The following KALRN variants were observed in gnomAD, a reference collection of about 807,000 sequenced individuals.
KALRN encodes kalirin RhoGEF kinase.
In KALRN, 70 loss-of-function variants were observed where a neutral mutation model predicts 353.7. The ratio of observed to expected loss-of-function variants is 0.20; its 90% confidence interval spans 0.16 to 0.24. The LOEUF is 0.24. Among genes scored for constraint, KALRN ranks in the 10% least tolerant of loss-of-function variants. The pLI is 1.00. For missense variants in KALRN, 2,791 were observed against 3,756.7 expected (o/e 0.74, Z 6.72); for synonymous variants, 1,391 against 1,434.8 (o/e 0.97, Z 0.69).
At chr3:124,086,352 TG>T (rs2060821983) in intron 1 of KALRN, among the ~76,000 whole-genome samples, 4 of 148,998 alleles carry the variant, frequency 2.7e-5, no homozygotes, top group Non-Finnish European at 6.0e-5. Flanking sequence ...TGTGTGTGTG[TG>T]TTTTTGCTGG....
At chr3:124,490,977 C>T in intron 30 of KALRN, 93 bp downstream of exon 30, 2 of 1,166,460 alleles carry the variant, frequency 1.7e-6, no homozygotes, top group Non-Finnish European at 2.4e-6. Context: ...CATCTCCTCC[C>T]CGGCCTCCAC....
At chr3:124,523,506 G>A (rs571480083) in intron 33 of KALRN, among the ~76,000 whole-genome samples, 1 of 152,300 alleles carries the variant, frequency 6.6e-6, no homozygotes, top group Non-Finnish European at 1.5e-5. Flanking sequence ...CCTGCTGGGG[G>A]AAAACACACA....
intron 51 of KALRN, among the ~76,000 whole-genome samples, chr3:124,693,019 T>C (rs952350518): frequency 2.6e-5 from 4 of 152,216 alleles, no homozygotes; most frequent in African/African-American, 9.6e-5. Context: ...CAGGGTGTCC[T>C]GAGGCAGGCA....
intron 1 of KALRN, among the ~76,000 whole-genome samples, chr3:124,169,879 G>T (rs991569595): frequency 6.6e-5 from 10 of 152,122 alleles, no homozygotes; most frequent in African/African-American, 2.4e-4. Flanking sequence ...GGGTAACAGG[G>T]TATTTTTCCA....
At chr3:124,091,175 A>G (rs905374442) in intron 1 of KALRN, among the ~76,000 whole-genome samples, 4 of 152,222 alleles carry the variant, frequency 2.6e-5, no homozygotes, top group Admixed American at 6.5e-5. Flanking sequence ...GGAGTGTTTG[A>G]TTCATGTTAC....
chr3:124,473,877 C>T (rs958229767), intron 25 of KALRN, among the ~76,000 whole-genome samples: 1 of 152,150 alleles, frequency 6.6e-6, no homozygotes, highest in Non-Finnish European at 1.5e-5. Flanking sequence ...TCCCCAAAGC[C>T]TCATAATCAC....
intron 21 of KALRN, among the ~76,000 whole-genome samples, chr3:124,451,224 A>G (rs905732032): frequency 6.6e-6 from 1 of 152,096 alleles, no homozygotes; most frequent in African/African-American, 2.4e-5. Flanking sequence ...CACTGATTAG[A>G]GGAAGATCAT....
intron 6 of KALRN, among the ~76,000 whole-genome samples, chr3:124,320,075 G>T (rs2079176071): frequency 1.3e-5 from 2 of 152,176 alleles, no homozygotes; most frequent in African/African-American, 4.8e-5. Context: ...CGTTTTCTCA[G>T]TCGAGGCAAT....
chr3:124,353,306 T>C (rs1581261642), intron 10 of KALRN, among the ~76,000 whole-genome samples: 1 of 152,022 alleles, frequency 6.6e-6, no homozygotes, highest in African/African-American at 2.4e-5. Context: ...CAAAATAAAA[T>C]AGGATAATCC....
At chr3:124,296,951 A>G (rs2076896477) in intron 5 of KALRN, among the ~76,000 whole-genome samples, 1 of 152,190 alleles carries the variant, frequency 6.6e-6, no homozygotes, top group African/African-American at 2.4e-5. Context: ...CTCCCTCAAC[A>G]GCCAATATTC....
intron 1 of KALRN, among the ~76,000 whole-genome samples, chr3:124,097,074 T>C (rs2061500237): frequency 6.6e-6 from 1 of 152,238 alleles, no homozygotes; most frequent in South Asian, 2.1e-4. Flanking sequence ...TGGGTGTTGA[T>C]TATGTTGCCC....
intron 34 of KALRN, among the ~76,000 whole-genome samples, chr3:124,576,361 A>G (rs929724688): frequency 2.6e-5 from 4 of 152,046 alleles, no homozygotes. Context: ...GTAAATATTT[A>G]TAGAAAGGAG....
chr3:124,064,984 A>T (rs530539231), intron 1 of KALRN, among the ~76,000 whole-genome samples: 7 of 152,240 alleles, frequency 4.6e-5, no homozygotes, highest in African/African-American at 1.4e-4. Context: ...GACAATGGAC[A>T]TAGGCAGTGC....
At chr3:124,430,278 G>A (rs1269570327) in intron 15 of KALRN, among the ~76,000 whole-genome samples, 3 of 152,052 alleles carry the variant, frequency 2.0e-5, no homozygotes, top group Non-Finnish European at 4.4e-5. Context: ...ATTTGAACTG[G>A]ACCTTATAAA....
At position 124,678,451 on chromosome 3, in the gene KALRN, G is replaced by T; in HGVS notation, c.7317+138G>T. ...TACCAGAGGGGAAGTAGTTTAGCAG[G>T]ATTTTGCATGCAAGATCAATTTATT... On this transcript the variant is annotated intron_variant, in intron 50 of 59. Transcript: ENST00000682506. 3.6e-6 allele frequency: 3 copies of T among 839,800 alleles called. No homozygotes were observed. In the South Asian group the frequency reaches 5.8e-5, roughly 16 times the overall value. The allele number at this position is 839,800 out of a possible 1,614,324, so 52.0% of individuals were successfully genotyped here.
intron 34 of KALRN, among the ~76,000 whole-genome samples, chr3:124,601,512 G>A (rs1252290942): frequency 6.6e-6 from 1 of 152,208 alleles, no homozygotes; most frequent in African/African-American, 2.4e-5. Flanking sequence ...TCCTATGGCT[G>A]ATTCACGATG....
chr3:124,633,021 A>T (rs1212829513), intron 35 of KALRN, among the ~76,000 whole-genome samples: 1 of 152,252 alleles, frequency 6.6e-6, no homozygotes, highest in Non-Finnish European at 1.5e-5. Flanking sequence ...AGACCTGTTT[A>T]GATTTAGAAT....
intron 1 of KALRN, among the ~76,000 whole-genome samples, chr3:124,154,898 G>T (rs1022033658): frequency 8.5e-5 from 13 of 152,218 alleles, no homozygotes; most frequent in Admixed American, 8.5e-4. Context: ...GCATGGTACT[G>T]GTACCAAAAC....
intron 3 of KALRN, among the ~76,000 whole-genome samples, chr3:124,250,277 C>T (rs1008664469): frequency 6.6e-6 from 1 of 152,198 alleles, no homozygotes; most frequent in African/African-American, 2.4e-5. Context: ...TTCCACCTGG[C>T]CTGCCAGGAA....
Sources: allele counts gnomAD v4.1 joint callset (sites outside exome capture counted in the v4.1 genomes callset), GRCh38; gene constraint gnomAD v4.1.1; transcripts MANE v1.5; gene names NCBI Gene and HGNC (gene_info 2026-07-23, HGNC 2026-07-21).